Variants in TENM4 observed in about 807,000 individuals in gnomAD.
The protein encoded by TENM4 is teneurin-4.
TENM4 carries 82 observed loss-of-function variants against 243.3 expected under a neutral mutation model. That is an observed-to-expected ratio of 0.34 (90% CI 0.28 to 0.40). The LOEUF (loss-of-function observed/expected upper bound fraction) is 0.40. TENM4 is among the 10% of genes least tolerant of loss of function. The pLI, the probability that TENM4 is intolerant of heterozygous loss-of-function variation, is 1.00. For synonymous variants in TENM4, 1,412 were observed against 1,456.3 expected, an observed-to-expected ratio of 0.97 and a Z score of 0.69; for missense variants, 3,138 against 3,673.3, an observed-to-expected ratio of 0.85 and a Z score of 3.77.
intron 5 of TENM4, chr11:79,068,600 C>T (rs938145643): frequency 5.9e-5 from 9 of 152,220 alleles, no homozygotes; most frequent in African/African-American, 1.9e-4. Flanking sequence ...AATGCATATA[C>T]ATTACATAGC....
chr11:79,412,377 A>C (rs1422020300), intron 1 of TENM4, among the ~76,000 whole-genome samples: 3 of 152,202 alleles, frequency 2.0e-5, no homozygotes, highest in Non-Finnish European at 1.5e-5. Flanking sequence ...AGCCCTCGTA[A>C]GACAGTTGGG....
intron 6 of TENM4, among the ~76,000 whole-genome samples, chr11:78,994,477 A>G (rs1260682245): frequency 6.6e-6 from 1 of 152,246 alleles, no homozygotes; most frequent in Admixed American, 6.5e-5. Flanking sequence ...TGGGAGTTTT[A>G]TAAAGTTCCT....
intron 1 of TENM4, among the ~76,000 whole-genome samples, chr11:79,426,513 A>G (rs1239119082): frequency 2.0e-5 from 3 of 152,206 alleles, no homozygotes; most frequent in Non-Finnish European, 4.4e-5. Flanking sequence ...ACAATTCAAC[A>G]AAGAGGATCC....
At chr11:78,855,889 G>T in intron 11 of TENM4, 75 bp downstream of exon 11, 1 of 1,389,714 alleles carries the variant, frequency 7.2e-7, no homozygotes, top group South Asian at 1.3e-5. Flanking sequence ...GCTCTGGATT[G>T]GGCTTCTTAA....
At chr11:78,978,646 C>G (rs1857722239) in intron 6 of TENM4, among the ~76,000 whole-genome samples, 1 of 152,024 alleles carries the variant, frequency 6.6e-6, no homozygotes, top group South Asian at 2.1e-4. Flanking sequence ...GAGAAATCAA[C>G]TAATAAGAAG....
At chr11:79,373,880 A>G (rs1013378579) in intron 1 of TENM4, among the ~76,000 whole-genome samples, 55 of 152,210 alleles carry the variant, frequency 3.6e-4, no homozygotes, top group African/African-American at 1.1e-3. Context: ...TCAAAGCTCA[A>G]GGGCCTGATT....
At chr11:78,822,154 G>C (rs1857747691) in intron 12 of TENM4, among the ~76,000 whole-genome samples, 1 of 152,188 alleles carries the variant, frequency 6.6e-6, no homozygotes, top group Non-Finnish European at 1.5e-5. Flanking sequence ...GGGTATTAAA[G>C]ATGAAGCGTA....
At chr11:79,418,112 G>A (rs560236611) in intron 1 of TENM4, among the ~76,000 whole-genome samples, 1 of 145,870 alleles carries the variant, frequency 6.9e-6, no homozygotes. Flanking sequence ...TGACAAACAA[G>A]GATGCATAAT....
intron 15 of TENM4, among the ~76,000 whole-genome samples, chr11:78,791,707 G>T (rs1857060646): frequency 6.6e-6 from 1 of 152,204 alleles, no homozygotes; most frequent in African/African-American, 2.4e-5. Context: ...CTAACATAGT[G>T]CCTGGCACAT....
intron 6 of TENM4, among the ~76,000 whole-genome samples, chr11:79,058,862 G>A (rs1472417356): frequency 1.3e-5 from 2 of 152,310 alleles, no homozygotes; most frequent in African/African-American, 4.8e-5. Context: ...TAGTGGATGG[G>A]ACCTAACTTC....
At chr11:79,056,882 A>G (rs1406146896) in intron 6 of TENM4, among the ~76,000 whole-genome samples, 1 of 152,216 alleles carries the variant, frequency 6.6e-6, no homozygotes, top group Non-Finnish European at 1.5e-5. Context: ...TGGGAGAAGG[A>G]TCAGGGGCAA....
intron 1 of TENM4, among the ~76,000 whole-genome samples, chr11:79,359,823 AGCTCTGGGCCAGACAGGGAT>A (rs370874749): frequency 1.5e-4 from 23 of 152,250 alleles, no homozygotes; most frequent in African/African-American, 4.8e-4. Flanking sequence ...ATCCCCAGAG[AGCTCTGGGCCAGACAGGGAT>A]GCTCTGGGCC....
At chr11:79,177,602 G>C (rs1414739499) in intron 3 of TENM4, among the ~76,000 whole-genome samples, 1 of 152,154 alleles carries the variant, frequency 6.6e-6, no homozygotes, top group Non-Finnish European at 1.5e-5. Context: ...TATTATGGAG[G>C]AAAGTAGAGT....
At chr11:79,406,839 T>C (rs942697557) in intron 1 of TENM4, among the ~76,000 whole-genome samples, 1 of 152,198 alleles carries the variant, frequency 6.6e-6, no homozygotes, top group Non-Finnish European at 1.5e-5. Flanking sequence ...ATATATTTAC[T>C]CTGATCTTTC....
intron 6 of TENM4, among the ~76,000 whole-genome samples, chr11:79,006,198 A>C (rs369192624): frequency 3.9e-5 from 6 of 152,016 alleles, no homozygotes; most frequent in African/African-American, 1.5e-4. Flanking sequence ...CCCCTCCCTA[A>C]TCAGTACCTC....
intron 6 of TENM4, among the ~76,000 whole-genome samples, chr11:79,041,778 T>A (rs1191528707): frequency 6.6e-6 from 1 of 152,238 alleles, no homozygotes; most frequent in Non-Finnish European, 1.5e-5. Context: ...ATGAAAGTAC[T>A]ATTTATGTTG....
intron 6 of TENM4, among the ~76,000 whole-genome samples, chr11:78,997,040 T>C (rs1332337506): frequency 6.6e-6 from 1 of 151,584 alleles, no homozygotes; most frequent in Non-Finnish European, 1.5e-5. Flanking sequence ...CTGTGCAAGT[T>C]GTTGGGGCGG....
At chr11:78,826,868 A>G (rs1054590736) in intron 12 of TENM4, among the ~76,000 whole-genome samples, 1 of 152,220 alleles carries the variant, frequency 6.6e-6, no homozygotes, top group Non-Finnish European at 1.5e-5. Context: ...CTTCTCATTT[A>G]GGGCAGGCCC....
At chr11:79,298,058 A>C (rs1268291938) in intron 1 of TENM4, among the ~76,000 whole-genome samples, 5 of 152,098 alleles carry the variant, frequency 3.3e-5, no homozygotes, top group African/African-American at 9.7e-5. Flanking sequence ...TTAGGCCGTG[A>C]CAGTTGACCA....
Sources: gnomAD v4.1 joint callset for allele counts (sites outside exome capture counted in the v4.1 genomes callset) on GRCh38, gnomAD v4.1.1 for gene constraint, MANE v1.5 for transcripts, NCBI Gene and HGNC (gene_info 2026-07-23, HGNC 2026-07-21) for gene names.